ERCC1: variants seen among roughly 807,000 people sequenced by gnomAD.
The protein encoded by ERCC1 is DNA excision repair protein ERCC-1.
In ERCC1, 36 loss-of-function variants were observed where a neutral mutation model predicts 37.6. The observed-to-expected ratio is 0.96, with a 90% CI of 0.73 to 1.26. ERCC1 has a LOEUF of 1.26. Ranked by LOEUF, ERCC1 falls within the 50% of genes most tolerant of loss-of-function variation. The pLI is 0.00. For missense variants in ERCC1, 349 were observed against 376.5 expected (o/e 0.93, Z 0.60); for synonymous variants, 156 against 162.1 (o/e 0.96, Z 0.28).
Position 45,409,574 on chromosome 19 carries a change from C to T in ERCC1, c.*101G>A. The T allele has an allele frequency of 6.4e-7, 1 of 1,574,174 alleles. No homozygotes were observed. Among genetic ancestry groups the T allele is most frequent in the Non-Finnish European group, 8.6e-7 (1 of 1,159,866 alleles). ...CTGGGCCACCAGAAGGTGACACCCC[C>T]AGAATCCCTCCCCAGAGACTGCACC... On this transcript the variant is annotated 3_prime_UTR_variant, in exon 10 of 10. Coordinates refer to ENST00000300853, the MANE Select transcript of ERCC1 (RefSeq NM_001983.4).
chr19:45,426,959 TAAAAAAAAAAA>T (rs1555789830), upstream of ERCC1, among the ~76,000 whole-genome samples: 1 of 92,464 alleles, frequency 1.1e-5, no homozygotes, highest in Admixed American at 1.2e-4. Context: ...AAACTCCATC[TAAAAAAAAAAA>T]AAAAAAAAAA....
intron 1 of ERCC1, among the ~76,000 whole-genome samples, chr19:45,444,387 C>A (rs551164608): frequency 6.6e-6 from 1 of 151,116 alleles, no homozygotes; most frequent in South Asian, 2.1e-4. Flanking sequence ...TCCCAGGCCG[C>A]CCCCCCGCGG....
chr19:45,446,926 A>T (rs1426168629), intron 1 of ERCC1, among the ~76,000 whole-genome samples: 1 of 152,080 alleles, frequency 6.6e-6, no homozygotes, highest in Non-Finnish European at 1.5e-5. Context: ...TGAACCCGGG[A>T]GGTGGAGGTT....
chr19:45,438,129 G>A (rs1034954725), intron 1 of ERCC1, among the ~76,000 whole-genome samples: 4 of 149,556 alleles, frequency 2.7e-5, no homozygotes, highest in African/African-American at 1.0e-4. Flanking sequence ...CCAGGATGGT[G>A]TCGATCTCCT....
chr19:45,436,391 C>T (rs1974977199), intron 1 of ERCC1, among the ~76,000 whole-genome samples: 1 of 152,152 alleles, frequency 6.6e-6, no homozygotes, highest in Non-Finnish European at 1.5e-5. Flanking sequence ...CTTTGGGAGG[C>T]CGAGGCGGGC....
At chr19:45,421,633 A>ATTT (rs148317782) in intron 2 of ERCC1, among the ~76,000 whole-genome samples, 3 of 131,310 alleles carry the variant, frequency 2.3e-5, no homozygotes, top group African/African-American at 8.6e-5. Context: ...CGCCCAGCTA[A>ATTT]TTTTTTTTTT....
At chr19:45,449,038 G>A (rs1277995963) in intron 1 of ERCC1, 2 of 152,158 alleles carry the variant, frequency 1.3e-5, no homozygotes, top group Non-Finnish European at 1.5e-5. Flanking sequence ...CGGCAGACAC[G>A]GGGCACTGAC....
At chr19:45,438,132 G>A (rs1975029026) in intron 1 of ERCC1, among the ~76,000 whole-genome samples, 2 of 152,202 alleles carry the variant, frequency 1.3e-5, no homozygotes, top group South Asian at 2.1e-4. Context: ...GGATGGTGTC[G>A]ATCTCCTGAC....
At chr19:45,445,263 A>G (rs1289085534) in intron 1 of ERCC1, among the ~76,000 whole-genome samples, 1 of 152,100 alleles carries the variant, frequency 6.6e-6, no homozygotes, top group African/African-American at 2.4e-5. Context: ...TGATCCACCC[A>G]CCTTGGCCAC....
chr19:45,434,175 AAG>A (rs1491267410), intron 1 of ERCC1, among the ~76,000 whole-genome samples: 5 of 148,416 alleles, frequency 3.4e-5, no homozygotes, highest in African/African-American at 1.0e-4. Context: ...AAAAAAAAAA[AAG>A]AGGAAGAAGA....
intron 9 of ERCC1, among the ~76,000 whole-genome samples, chr19:45,412,088 T>C (rs1374679083): frequency 6.6e-6 from 1 of 151,988 alleles, no homozygotes; most frequent in African/African-American, 2.4e-5. Flanking sequence ...CTCAATCTCC[T>C]GACCTCACGA....
At chr19:45,421,803 T>C (rs1010433647) in intron 2 of ERCC1, among the ~76,000 whole-genome samples, 1 of 151,944 alleles carries the variant, frequency 6.6e-6, no homozygotes, top group African/African-American at 2.4e-5. Context: ...TGGCTAATTT[T>C]TGTATTTTTA....
At chr19:45,440,469 G>C (rs1268647006) in intron 1 of ERCC1, among the ~76,000 whole-genome samples, 2 of 152,156 alleles carry the variant, frequency 1.3e-5, no homozygotes, top group African/African-American at 4.8e-5. Flanking sequence ...GTGAGGATCT[G>C]ATTTCTTGGT....
At chr19:45,446,130 C>T (rs1467674266) in intron 1 of ERCC1, among the ~76,000 whole-genome samples, 2 of 151,922 alleles carry the variant, frequency 1.3e-5, no homozygotes, top group African/African-American at 4.8e-5. Flanking sequence ...GAACTCCTGA[C>T]CTCAGGTGAT....
rs1196525220 is a variant in ERCC1, at chr19:45,407,914, C to A, written c.*1761G>T. The A allele has an allele frequency of 1.1e-5, 5 of 473,908 alleles. No individual in the cohort carries two copies. The highest frequency in any genetic ancestry group is 1.8e-5 in the Non-Finnish European group (5 of 282,682). The allele number at this position is 473,908 out of a possible 1,614,324, so 29.4% of individuals were successfully genotyped here. A position where few individuals can be genotyped will look rare whatever the true frequency, so the allele number is the denominator to read the frequency against. On this transcript the variant is annotated 3_prime_UTR_variant, in exon 10 of 10. Coordinates refer to ENST00000300853, the MANE Select transcript of ERCC1 (RefSeq NM_001983.4). ...ACTAAAAATACAAAAATTGGCTGGGCGTGGTGGCAGGTGCCTGTAATCCCA... is the reference window on the plus strand; with the variant it reads ...ACTAAAAATACAAAAATTGGCTGGGAGTGGTGGCAGGTGCCTGTAATCCCA...
At chr19:45,417,032 C>A in intron 5 of ERCC1, 135 bp from the exon 6 acceptor site, 2 of 697,510 alleles carry the variant, frequency 2.9e-6, no homozygotes, top group Non-Finnish European at 5.2e-6. Flanking sequence ...GGGAGGCAGA[C>A]GTTGCAGTGA....
intron 5 of ERCC1, among the ~76,000 whole-genome samples, chr19:45,418,036 G>A (rs1974165226): frequency 6.6e-6 from 1 of 151,898 alleles, no homozygotes; most frequent in Non-Finnish European, 1.5e-5. Context: ...AGACCAGACT[G>A]GGTAACATAG....
At chr19:45,436,668 G>A (rs1974987917) in intron 1 of ERCC1, 1 of 152,368 alleles carries the variant, frequency 6.6e-6, no homozygotes, top group Non-Finnish European at 1.5e-5. Context: ...ATGAAGCGGG[G>A]GGGCGGGGTC....
intron 5 of ERCC1, 77 bp downstream of exon 5, chr19:45,419,021 C>G: frequency 1.0e-6 from 1 of 978,256 alleles, no homozygotes; most frequent in East Asian, 2.6e-5. Flanking sequence ...GCTGCATTTC[C>G]TCTTGGAAGG....
Sources: allele counts gnomAD v4.1 joint callset (sites outside exome capture counted in the v4.1 genomes callset), GRCh38; gene constraint gnomAD v4.1.1; transcripts MANE v1.5; gene names NCBI Gene and HGNC (gene_info 2026-07-23, HGNC 2026-07-21).